Variants in PIP5K1B observed in about 807,000 individuals in gnomAD.
PIP5K1B encodes phosphatidylinositol 4-phosphate 5-kinase type-1 beta.
PIP5K1B carries 42 observed loss-of-function variants against 67.0 expected under a neutral mutation model. The observed-to-expected ratio is 0.63, with a 90% CI of 0.49 to 0.81. The LOEUF (loss-of-function observed/expected upper bound fraction) is 0.81. Ranked by LOEUF, PIP5K1B falls within the 30% of genes least tolerant of loss-of-function variation. The pLI, the probability that PIP5K1B is intolerant of heterozygous loss-of-function variation, is 0.00. For synonymous variants in PIP5K1B, 214 were observed against 231.4 expected, an observed-to-expected ratio of 0.92 and a Z score of 0.68; for missense variants, 459 against 646.3, an observed-to-expected ratio of 0.71 and a Z score of 3.14.
chr9:68,939,741 T>C (rs185428697), intron 13 of PIP5K1B, among the ~76,000 whole-genome samples: 61 of 152,268 alleles, frequency 4.0e-4, no homozygotes, highest in African/African-American at 1.4e-3. Flanking sequence ...ATCTATACCC[T>C]TCACATCCAA....
chr9:68,803,577 T>C (rs1387775178), intron 2 of PIP5K1B, among the ~76,000 whole-genome samples: 1 of 152,194 alleles, frequency 6.6e-6, no homozygotes, highest in Non-Finnish European at 1.5e-5. Flanking sequence ...TCATCATCCG[T>C]GGAAGAAAGG....
intron 2 of PIP5K1B, among the ~76,000 whole-genome samples, chr9:68,761,886 G>C (rs1395069202): frequency 6.6e-6 from 1 of 152,048 alleles, no homozygotes. Context: ...AGTTTCCAGG[G>C]GTAAGGATGT....
chr9:68,907,387 T>C (rs1825667573), intron 8 of PIP5K1B, among the ~76,000 whole-genome samples: 1 of 152,218 alleles, frequency 6.6e-6, no homozygotes, highest in African/African-American at 2.4e-5. Context: ...TGAGCCACTC[T>C]TGTACCTTCT....
At chr9:68,953,653 C>CA (rs1343148185) in intron 14 of PIP5K1B, among the ~76,000 whole-genome samples, 2 of 151,312 alleles carry the variant, frequency 1.3e-5, no homozygotes, top group African/African-American at 2.4e-5. Flanking sequence ...CCCATCCCTA[C>CA]AAAAAAAATT....
chr9:68,722,258 T>G (rs1403582027), intron 1 of PIP5K1B, among the ~76,000 whole-genome samples: 1 of 152,138 alleles, frequency 6.6e-6, no homozygotes, highest in Admixed American at 6.5e-5. Flanking sequence ...CAGGCTGGAG[T>G]GCAGTGGTGC....
At chr9:68,914,588 G>A (rs1167271903) in intron 8 of PIP5K1B, among the ~76,000 whole-genome samples, 3 of 152,160 alleles carry the variant, frequency 2.0e-5, no homozygotes, top group Middle Eastern at 3.4e-3. Flanking sequence ...GGTGGCAGGC[G>A]CCTGTAGTCC....
At chr9:68,994,242 A>T (rs966160629) in intron 15 of PIP5K1B, among the ~76,000 whole-genome samples, 6 of 151,878 alleles carry the variant, frequency 4.0e-5, no homozygotes, top group African/African-American at 1.5e-4. Flanking sequence ...GGGTTTCGCC[A>T]TGTTGGTCAG....
At chr9:68,813,979 A>G (rs915949183) in intron 2 of PIP5K1B, among the ~76,000 whole-genome samples, 2 of 152,212 alleles carry the variant, frequency 1.3e-5, no homozygotes, top group Admixed American at 6.5e-5. Context: ...TAGGAAACTG[A>G]TAAAACCTGT....
chr9:68,876,387 G>A (rs1374772967), intron 5 of PIP5K1B, among the ~76,000 whole-genome samples: 1 of 152,194 alleles, frequency 6.6e-6, no homozygotes, highest in Non-Finnish European at 1.5e-5. Context: ...TTACACTGGT[G>A]ATAATGGAGT....
intron 1 of PIP5K1B, among the ~76,000 whole-genome samples, chr9:68,712,584 C>CCCCA (rs1827442902): frequency 6.6e-6 from 1 of 152,118 alleles, no homozygotes; most frequent in Non-Finnish European, 1.5e-5. Flanking sequence ...CATGAATAAG[C>CCCCA]CCCATCCATC....
In PIP5K1B at chr9:68,807,476, A is replaced by G. The variant is rs890718689; in HGVS notation, c.-85-10985A>G. ...TAACAGTTCTTCCTGCTTCCCTGCT[A>G]TGGCCTTTCAGACTTCCCCACAGGC... On this transcript the variant is annotated intron_variant, in intron 2 of 15. Coordinates refer to ENST00000265382, the MANE Select transcript of PIP5K1B (RefSeq NM_003558.4). Among the ~76,000 whole-genome samples, 8 of 152,264 alleles carry G rather than the reference A, an allele frequency of 5.3e-5. No individual in the cohort carries two copies. The South Asian group carries it at 1.7e-3, about 32-fold the overall frequency.
At chr9:68,906,788 G>A (rs189494316) in intron 8 of PIP5K1B, among the ~76,000 whole-genome samples, 18 of 152,200 alleles carry the variant, frequency 1.2e-4, no homozygotes, top group Non-Finnish European at 2.2e-4. Flanking sequence ...CCATTATCAC[G>A]ACCAACTCAG....
intron 4 of PIP5K1B, among the ~76,000 whole-genome samples, chr9:68,825,821 T>G (rs1376214757): frequency 6.6e-6 from 1 of 152,222 alleles, no homozygotes; most frequent in Non-Finnish European, 1.5e-5. Context: ...GTTGTTAGAA[T>G]TAAGCAGCAG....
chr9:68,860,726 G>A (rs754336034), intron 4 of PIP5K1B, among the ~76,000 whole-genome samples: 8 of 152,176 alleles, frequency 5.3e-5, no homozygotes, highest in Non-Finnish European at 1.0e-4. Flanking sequence ...ATCCACCTCT[G>A]TAAAATGGGA....
intron 6 of PIP5K1B, among the ~76,000 whole-genome samples, chr9:68,878,406 G>C (rs1291494586): frequency 6.6e-6 from 1 of 152,100 alleles, no homozygotes; most frequent in Admixed American, 6.5e-5. Flanking sequence ...ATCCTTTTCT[G>C]AACAACTTCC....
At chr9:68,882,570 A>G (rs1824251518) in intron 6 of PIP5K1B, among the ~76,000 whole-genome samples, 1 of 152,168 alleles carries the variant, frequency 6.6e-6, no homozygotes, top group Non-Finnish European at 1.5e-5. Context: ...TTGGGAGCAG[A>G]TGTTCAGGTC....
At chr9:68,788,871 G>A in intron 2 of PIP5K1B, 1 of 246,704 alleles carries the variant, frequency 4.1e-6, no homozygotes, top group Non-Finnish European at 8.1e-6. Flanking sequence ...CAGTTTCTTT[G>A]CACTGACAGG....
At chr9:68,711,643 ATGC>A (rs1217761906) in intron 1 of PIP5K1B, among the ~76,000 whole-genome samples, 1 of 152,246 alleles carries the variant, frequency 6.6e-6, no homozygotes, top group Non-Finnish European at 1.5e-5. Context: ...AGTCTGATAG[ATGC>A]TAATGTTGAT....
At chr9:68,935,193 G>A (rs112330913) in intron 13 of PIP5K1B, 148 bp downstream of exon 13, 100 of 664,328 alleles carry the variant, frequency 1.5e-4, no homozygotes, top group African/African-American at 9.4e-4. Flanking sequence ...GTGGCCGGGC[G>A]CAGTGGCTCA....
Sources: gnomAD v4.1 joint callset for allele counts (sites outside exome capture counted in the v4.1 genomes callset) on GRCh38, gnomAD v4.1.1 for gene constraint, MANE v1.5 for transcripts, NCBI Gene and HGNC (gene_info 2026-07-23, HGNC 2026-07-21) for gene names.